The following HSD3B2 variants were observed in gnomAD, a reference collection of about 807,000 sequenced individuals.
The protein encoded by HSD3B2 is 3 beta-hydroxysteroid dehydrogenase/Delta 5-->4-isomerase type 2.
HSD3B2 carries 8 observed loss-of-function variants against 9.9 expected under a neutral mutation model. The ratio of observed to expected loss-of-function variants is 0.81; its 90% CI spans 0.47 to 1.46. The LOEUF is 1.46. HSD3B2 is among the 40% of genes most tolerant of loss of function. The probability of loss-of-function intolerance (pLI) is 0.00; values close to 1 mark genes in which losing one functional copy is unlikely to be tolerated. For missense variants in HSD3B2, 410 were observed against 448.3 expected (o/e 0.91, Z 0.77); for synonymous variants, 221 against 184.5 (o/e 1.20, Z -1.60).
At position 119,421,689 on chromosome 1, in the gene HSD3B2, C is replaced by T. The variant is rs118046752; in HGVS notation, c.308-120C>T. ...TCAGTCAGAGCCACAGAAGAATGCA[C>T]CCTGAGTCTGTTATAACCACTGCAC... On this transcript the variant is annotated intron_variant, in intron 3 of 3. Transcript: ENST00000369416. 404 of 1,128,576 alleles carry T rather than the reference C, an allele frequency of 3.6e-4. 1 individual carries two copies. Among genetic ancestry groups the T allele is most frequent in the East Asian group, 1.7e-3 (72 of 42,466 alleles). The allele number at this position is 1,128,576 out of a possible 1,614,324, so 69.9% of individuals were successfully genotyped here.
At chr1:119,419,743 C>G in intron 3 of HSD3B2, 161 bp downstream of exon 3, 1 of 719,050 alleles carries the variant, frequency 1.4e-6, no homozygotes, top group East Asian at 2.7e-5. Flanking sequence ...CTGGTAACCT[C>G]AGTTTTTTAG....
In HSD3B2 at chr1:119,421,862, T is replaced by A; in HGVS notation, c.361T>A (p.Tyr121Asn). 1 of 1,613,968 alleles carries A rather than the reference T, an allele frequency of 6.2e-7. No homozygotes were observed. The highest frequency in any genetic ancestry group is 8.5e-7 in the Non-Finnish European group (1 of 1,179,940). ...CCAAGCCAGTGTGCCAGTCTTCATC[T>A]ACACCAGTAGCATAGAGGTAGCCGG... is the stretch of plus-strand genomic sequence containing the variant. ...CVQASVPVFI[Y>N]TSSIEVAGPN... The change falls in exon 4 of 4, where the codon TAC becomes AAC. Residue 121 changes from tyrosine to asparagine, a missense_variant. Tyr to Asn is a moderately radical substitution (Grantham distance 143, BLOSUM62 -2). Coordinates refer to ENST00000369416, the MANE Select transcript of HSD3B2 (RefSeq NM_000198.4).
At chr1:119,419,973 A>G (rs1445649432) in intron 3 of HSD3B2, 7 of 320,414 alleles carry the variant, frequency 2.2e-5, no homozygotes, top group Non-Finnish European at 3.0e-5. Flanking sequence ...CAGACCTTCC[A>G]GGTGCCACCA....
At position 119,419,511 on chromosome 1, in the gene HSD3B2, TCCAC is replaced by T; in HGVS notation, c.237_240del (p.His80ProfsTer17). On this transcript the variant is annotated frameshift_variant, in exon 3 of 4. Transcript: ENST00000369416. LOFTEE classifies it high-confidence loss of function. ...GCCTGCCAGGACGTCTCGGTCGTCA[TCCAC>T]ACCGCCTGTATCATTGATGTCTTTG... 1 of 1,613,754 alleles carries T rather than the reference TCCAC, an allele frequency of 6.2e-7. No individual in the cohort carries two copies. The highest frequency in any genetic ancestry group is 1.7e-5 in the Admixed American group (1 of 59,992).
chr1:119,421,388 T>C (rs962646108), intron 3 of HSD3B2, among the ~76,000 whole-genome samples: 3 of 109,212 alleles, frequency 2.7e-5, no homozygotes, highest in Non-Finnish European at 3.8e-5. Context: ...TATATATATA[T>C]ATGTATATAT....
chr1:119,414,994 T>G (rs886968373), upstream of HSD3B2: 1 of 221,020 alleles, frequency 4.5e-6, no homozygotes, highest in African/African-American at 2.3e-5. Context: ...TTCCTGTTCC[T>G]GGGAAGAATT....
chr1:119,419,267 T>C, intron 2 of HSD3B2, 151 bp from the exon 3 acceptor site: 1 of 744,972 alleles, frequency 1.3e-6, no homozygotes, highest in Non-Finnish European at 2.3e-6. Context: ...TGTGCTTTTG[T>C]TTACTTGTTC....
chr1:119,415,015 C>T, upstream of HSD3B2: 1 of 273,094 alleles, frequency 3.7e-6, no homozygotes, highest in Non-Finnish European at 7.1e-6. Flanking sequence ...AGAGATATAA[C>T]CTAAAGGTCA....
chr1:119,416,971 A>G (rs1387545031), intron 2 of HSD3B2, among the ~76,000 whole-genome samples: 1 of 152,236 alleles, frequency 6.6e-6, no homozygotes, highest in African/African-American at 2.4e-5. Flanking sequence ...AGATAAAAAC[A>G]GAGAATCCTT....
At chr1:119,417,206 T>C (rs969010114) in intron 2 of HSD3B2, among the ~76,000 whole-genome samples, 2 of 152,156 alleles carry the variant, frequency 1.3e-5, no homozygotes, top group African/African-American at 4.8e-5. Flanking sequence ...TGCTCTTAAG[T>C]AGTAGTTTGT....
At chr1:119,415,299 G>A in intron 1 of HSD3B2, 32 bp from the exon 2 acceptor site, 1 of 1,017,574 alleles carries the variant, frequency 9.8e-7, no homozygotes, top group Non-Finnish European at 1.5e-6. Context: ...GGCATCTGCT[G>A]AGTGTATAAC....
intron 2 of HSD3B2, among the ~76,000 whole-genome samples, chr1:119,416,138 A>G (rs113918170): frequency 2.6e-5 from 4 of 152,230 alleles, no homozygotes; most frequent in African/African-American, 9.6e-5. Context: ...AATGAGAAAG[A>G]TAGTGTGAGG....
intron 2 of HSD3B2, among the ~76,000 whole-genome samples, chr1:119,418,116 A>C (rs1276441522): frequency 6.6e-6 from 1 of 152,196 alleles, no homozygotes; most frequent in Non-Finnish European, 1.5e-5. Flanking sequence ...CAGCGTCACT[A>C]CCTGTGGATT....
rs1172504204 is a variant in HSD3B2 at position 119,421,878 on chromosome 1, A to T, written c.377A>T (p.Glu126Val). ...VPVFIYTSSI[E>V]VAGPNSYKEI... ...GTCTTCATCTACACCAGTAGCATAG[A>T]GGTAGCCGGGCCCAACTCCTACAAG... The change falls in exon 4 of 4, where the codon GAG (glutamate) becomes GTG (valine). Residue 126 changes from glutamate (E) to valine (V), a missense_variant. Glu to Val is a moderately radical substitution (Grantham distance 121). Coordinates refer to ENST00000369416, the MANE Select transcript of HSD3B2 (RefSeq NM_000198.4). 1.2e-6 allele frequency: 2 copies of T among 1,614,008 alleles called. No homozygotes were observed. Among genetic ancestry groups the T allele is most frequent in the Non-Finnish European group, 1.7e-6 (2 of 1,179,974 alleles).
At chr1:119,418,717 T>C (rs2101342272) in intron 2 of HSD3B2, among the ~76,000 whole-genome samples, 1 of 151,770 alleles carries the variant, frequency 6.6e-6, no homozygotes, top group South Asian at 2.1e-4. Context: ...AGTGGCATGA[T>C]CTCAATTCAC....
rs779624324 is a variant in HSD3B2, at chr1:119,415,571, C to A, written c.142+10C>A. The A allele has an allele frequency of 6.2e-7, 1 of 1,613,452 alleles. No homozygotes were observed. On this transcript the variant is annotated intron_variant, in intron 2 of 3. Coordinates refer to ENST00000369416, the MANE Select transcript of HSD3B2 (RefSeq NM_000198.4). Reference sequence around the variant, plus strand: ...AGAGAGGAATTTTCTAGTAAGTAAACTTGAGTCATGGGTCTGTGGCTCCAT... The same window carrying A: ...AGAGAGGAATTTTCTAGTAAGTAAAATTGAGTCATGGGTCTGTGGCTCCAT...
chr1:119,421,731 G>C, intron 3 of HSD3B2, 78 bp from the exon 4 acceptor site: 3 of 1,480,956 alleles, frequency 2.0e-6, no homozygotes, highest in South Asian at 1.1e-5. Flanking sequence ...GTGGGGAGTG[G>C]GGCACATGGA....
intron 3 of HSD3B2, chr1:119,420,000 C>G (rs982590855): frequency 1.3e-4 from 40 of 297,730 alleles, no homozygotes; most frequent in African/African-American, 8.3e-4. Context: ...TCATTTTGAA[C>G]CTTGTGTGTA....
intron 2 of HSD3B2, among the ~76,000 whole-genome samples, chr1:119,417,001 A>G (rs1212198820): frequency 6.6e-6 from 1 of 152,192 alleles, no homozygotes; most frequent in Non-Finnish European, 1.5e-5. Context: ...TTTCTGTGCC[A>G]GGCACTGTGC....
Sources: gnomAD v4.1 joint callset for allele counts (sites outside exome capture counted in the v4.1 genomes callset) on GRCh38, gnomAD v4.1.1 for gene constraint, MANE v1.5 for transcripts, NCBI Gene and HGNC (gene_info 2026-07-23, HGNC 2026-07-21) for gene names.